Variants in UVRAG observed in about 807,000 individuals in gnomAD.
The protein encoded by UVRAG is UV radiation resistance-associated gene protein.
Under a neutral mutation model 78.0 loss-of-function variants are expected in UVRAG, and 19 were observed. The observed-to-expected ratio is 0.24, with a 90% CI of 0.17 to 0.36. The LOEUF (loss-of-function observed/expected upper bound fraction) is 0.36, where lower values mean the gene tolerates loss of function less well. Among genes scored for constraint, UVRAG ranks in the 10% least tolerant of loss-of-function variants. The pLI is 1.00. For missense variants in UVRAG, 740 were observed against 853.8 expected, an observed-to-expected ratio of 0.87 and a Z score of 1.66; for synonymous variants, 323 against 324.6, an observed-to-expected ratio of 1.00 and a Z score of 0.05.
intron 7 of UVRAG, among the ~76,000 whole-genome samples, chr11:75,981,239 A>G (rs746670126): frequency 4.0e-5 from 6 of 151,824 alleles, no homozygotes; most frequent in Non-Finnish European, 8.8e-5. Context: ...AGCCTCCCGA[A>G]TAGCTGGGAT....
At chr11:75,880,120 T>A in intron 4 of UVRAG, 80 bp downstream of exon 4, 1 of 1,525,566 alleles carries the variant, frequency 6.6e-7, no homozygotes, top group Non-Finnish European at 8.9e-7. Context: ...CTTCTGATTC[T>A]GCGTTTCCTA....
At chr11:76,030,371 C>CA (rs552638997) in intron 12 of UVRAG, among the ~76,000 whole-genome samples, 32 of 152,168 alleles carry the variant, frequency 2.1e-4, no homozygotes, top group Non-Finnish European at 3.4e-4. Context: ...GGACCAAACC[C>CA]ACAATATATC....
In UVRAG at chr11:76,142,565, A is replaced by G. The variant is rs148147310; in HGVS notation, c.*1152A>G. On this transcript the variant is annotated 3_prime_UTR_variant, in exon 15 of 15. Coordinates refer to ENST00000356136, the MANE Select transcript of UVRAG (RefSeq NM_003369.4). The stretch of plus-strand genomic sequence containing the variant: ...CTTTATACGTTACGTACCCAAGGAC[A>G]TTGCCTCAGGGTTGCAAACTCTTTA... 1.3e-4 allele frequency: 20 copies of G among 152,792 alleles called. No homozygotes were observed. Among genetic ancestry groups the G allele is most frequent in the Non-Finnish European group, 2.4e-4 (16 of 68,042 alleles). The allele number at this position is 152,792 out of a possible 1,614,324, so 9.5% of individuals were successfully genotyped here.
intron 13 of UVRAG, among the ~76,000 whole-genome samples, chr11:76,099,604 T>A (rs2099489026): frequency 6.6e-6 from 1 of 152,166 alleles, no homozygotes; most frequent in South Asian, 2.1e-4. Context: ...TATTCAAGAA[T>A]AGGATATGAG....
intron 8 of UVRAG, among the ~76,000 whole-genome samples, chr11:75,993,689 G>A (rs72999589): frequency 0.044 from 6,693 of 152,246 alleles, 223 homozygotes; most frequent in Middle Eastern, 0.065. Flanking sequence ...TCAGTAGAAT[G>A]TAGGTTTCTT....
At chr11:76,123,263 G>A (rs368371232) in intron 14 of UVRAG, among the ~76,000 whole-genome samples, 3 of 152,166 alleles carry the variant, frequency 2.0e-5, no homozygotes, top group Admixed American at 6.5e-5. Context: ...CAGCAGGCCT[G>A]GTGGAAACAT....
chr11:75,916,253 T>C (rs1372878924), intron 6 of UVRAG: 1 of 152,232 alleles, frequency 6.6e-6, no homozygotes, highest in Non-Finnish European at 1.5e-5. Flanking sequence ...TGCAAGACTT[T>C]GAGCAAGTAA....
intron 6 of UVRAG, among the ~76,000 whole-genome samples, chr11:75,912,384 T>C (rs1391469502): frequency 6.6e-6 from 1 of 152,194 alleles, no homozygotes; most frequent in East Asian, 1.9e-4. Flanking sequence ...GCGGCATCAC[T>C]CGGAAAGCCC....
At chr11:75,953,264 A>C (rs1180085820) in intron 6 of UVRAG, among the ~76,000 whole-genome samples, 1 of 152,136 alleles carries the variant, frequency 6.6e-6, no homozygotes, top group Non-Finnish European at 1.5e-5. Flanking sequence ...TCCTGTTTGC[A>C]GTCTCTTTTC....
At chr11:76,004,515 A>G (rs1032488028) in intron 9 of UVRAG, among the ~76,000 whole-genome samples, 11 of 151,484 alleles carry the variant, frequency 7.3e-5, no homozygotes, top group African/African-American at 2.7e-4. Context: ...ATCTTTCCAG[A>G]TTGTTCTCCA....
At chr11:76,032,072 G>C (rs974274574) in intron 12 of UVRAG, among the ~76,000 whole-genome samples, 1 of 152,292 alleles carries the variant, frequency 6.6e-6, no homozygotes, top group East Asian at 1.9e-4. Flanking sequence ...CAGAGAGTTT[G>C]CAGTAGGTAA....
intron 6 of UVRAG, among the ~76,000 whole-genome samples, chr11:75,922,971 A>G (rs1948009712): frequency 6.8e-6 from 1 of 147,392 alleles, no homozygotes; most frequent in African/African-American, 2.5e-5. Flanking sequence ...ACATATATAT[A>G]TAAGAAAAAA....
chr11:76,079,921 A>G (rs1256241524), intron 13 of UVRAG, among the ~76,000 whole-genome samples: 1 of 152,190 alleles, frequency 6.6e-6, no homozygotes, highest in Non-Finnish European at 1.5e-5. Flanking sequence ...AATATCATGG[A>G]CTAGGTAATT....
intron 2 of UVRAG, among the ~76,000 whole-genome samples, chr11:75,857,639 G>C (rs1417998500): frequency 6.6e-6 from 1 of 151,990 alleles, no homozygotes; most frequent in African/African-American, 2.4e-5. Flanking sequence ...ACAGGTGTAT[G>C]CCACCACGCC....
rs1248548415 is a variant in UVRAG, at chr11:76,045,784, A to G, written c.1227-19926A>G. 3.3e-5 allele frequency among the ~76,000 whole-genome samples: 5 copies of G among 152,204 alleles called. No individual in the cohort carries two copies. The East Asian group carries it at 9.6e-4, about 29-fold the overall frequency. On this transcript the variant is annotated intron_variant, in intron 12 of 14. Transcript: ENST00000356136. The stretch of plus-strand genomic sequence containing the variant: ...ATTTCCTCAAATATTTGATGATCCA[A>G]CAATCCAGATAGCAGTGAGTACAAA...
chr11:76,130,542 A>G (rs1952495275), intron 14 of UVRAG, among the ~76,000 whole-genome samples: 1 of 152,236 alleles, frequency 6.6e-6, no homozygotes, highest in Non-Finnish European at 1.5e-5. Flanking sequence ...CCAGTCTCTT[A>G]CTAAACAGTA....
intron 9 of UVRAG, among the ~76,000 whole-genome samples, chr11:76,005,478 C>T (rs1024601718): frequency 6.6e-6 from 1 of 152,188 alleles, no homozygotes; most frequent in Non-Finnish European, 1.5e-5. Flanking sequence ...GACTAGATCC[C>T]GTTGTCTTCA....
intron 3 of UVRAG, among the ~76,000 whole-genome samples, chr11:75,874,989 G>A (rs1328149533): frequency 1.3e-5 from 2 of 152,124 alleles, no homozygotes; most frequent in South Asian, 2.1e-4. Context: ...GCCCATCCAC[G>A]TTTCTAGTGA....
chr11:75,998,520 AC>A lies in UVRAG; in HGVS notation c.827-5484del, dbSNP rs1324437964. ...CTACCCTGAGAATAAAGAAAAAAAA[AC>A]ACTGGATAATATACAAAGTCATAAC... On this transcript the variant is annotated intron_variant, in intron 8 of 14. Coordinates refer to ENST00000356136, the MANE Select transcript of UVRAG (RefSeq NM_003369.4). Among the ~76,000 whole-genome samples, 11 of 152,320 alleles carry A rather than the reference AC, an allele frequency of 7.2e-5. No homozygotes were observed. The South Asian group carries it at 1.7e-3, about 23-fold the overall frequency.
Sources: gnomAD v4.1 joint callset for allele counts (sites outside exome capture counted in the v4.1 genomes callset) on GRCh38, gnomAD v4.1.1 for gene constraint, MANE v1.5 for transcripts, NCBI Gene and HGNC (gene_info 2026-07-23, HGNC 2026-07-21) for gene names.